Variants in TGFBRAP1 observed in about 807,000 individuals in gnomAD.
The protein encoded by TGFBRAP1 is transforming growth factor-beta receptor-associated protein 1.
A neutral mutation model predicts 83.2 loss-of-function variants in TGFBRAP1; 20 were observed. The ratio of observed to expected loss-of-function variants is 0.24; its 90% confidence interval spans 0.17 to 0.35. The LOEUF (loss-of-function observed/expected upper bound fraction) is 0.35, where lower values mean the gene tolerates loss of function less well. TGFBRAP1 is among the 10% of genes least tolerant of loss of function. The pLI is 1.00. For missense variants in TGFBRAP1, 950 were observed against 1,099.4 expected (o/e 0.86, Z 1.92); for synonymous variants, 415 against 459.8 (o/e 0.90, Z 1.25).
chr2:105,269,135 A>G lies in TGFBRAP1; in HGVS notation c.2406+137T>C, dbSNP rs1677053217. The stretch of plus-strand genomic sequence containing the variant: ...CACACAGACCTCAGTTTCTATGAGT[A>G]GGATCAGATATTGATGTGTTGTAGT... On this transcript the variant is annotated intron_variant, in intron 11 of 11. Coordinates refer to ENST00000393359, the MANE Select transcript of TGFBRAP1 (RefSeq NM_004257.6). The surrounding 1 kb of genome is among the most constrained non-coding windows in gnomAD (Gnocchi z 4.1). The G allele has an allele frequency of 8.8e-7, 1 of 1,137,294 alleles. No individual in the cohort carries two copies. Among genetic ancestry groups the G allele is most frequent in the Non-Finnish European group, 1.2e-6 (1 of 830,168 alleles). The allele number at this position is 1,137,294 out of a possible 1,614,324, so 70.5% of individuals were successfully genotyped here. A position where few individuals can be genotyped will look rare whatever the true frequency, so the allele number is the denominator to read the frequency against.
Position 105,267,228 on chromosome 2 carries a change from C to T in TGFBRAP1, c.*155G>A, listed in dbSNP as rs1285391704. Reference sequence around the variant, plus strand: ...TACATTCATAGAGCCTGGTCAGCAGCGAGGAGTCCTTGTTGCGTATGGACG... The same window carrying T: ...TACATTCATAGAGCCTGGTCAGCAGTGAGGAGTCCTTGTTGCGTATGGACG... On this transcript the variant is annotated 3_prime_UTR_variant, in exon 12 of 12. Transcript: ENST00000393359. 5 of 819,070 alleles carry T rather than the reference C, an allele frequency of 6.1e-6. No individual in the cohort carries two copies. Among genetic ancestry groups the T allele is most frequent in the African/African-American group, 3.5e-5 (2 of 57,154 alleles). 50.7% of individuals were successfully genotyped at this position (819,070 alleles called of 1,614,324 possible).
In TGFBRAP1 at chr2:105,280,984, A is replaced by G. The variant is rs150120452; in HGVS notation, c.1122-261T>C. The stretch of plus-strand genomic sequence containing the variant: ...CATACAGAACTGGTGTGAGAGTGGA[A>G]CACCAAAATGCCTATGATGAAGAGA... On this transcript the variant is annotated intron_variant, in intron 5 of 11. Coordinates refer to ENST00000393359, the MANE Select transcript of TGFBRAP1 (RefSeq NM_004257.6). Among the ~76,000 whole-genome samples the G allele has an allele frequency of 1.5e-3, 230 of 152,278 alleles. 1 individual carries two copies. Among genetic ancestry groups the G allele is most frequent in the Non-Finnish European group, 6.6e-4 (45 of 68,020 alleles).
At chr2:105,279,599 A>T (rs1181137872) in intron 6 of TGFBRAP1, among the ~76,000 whole-genome samples, 1 of 152,160 alleles carries the variant, frequency 6.6e-6, no homozygotes, top group African/African-American at 2.4e-5. Context: ...TGTATCAACA[A>T]AATCAAGAAG....
chr2:105,267,926 C>T (rs577559524), intron 11 of TGFBRAP1: 1 of 969,538 alleles, frequency 1.0e-6, no homozygotes, highest in African/African-American at 1.8e-5. Flanking sequence ...TAGTGTAACT[C>T]CAGGGTTCTC....
chr2:105,310,266 T>A (rs1678648452), intron 1 of TGFBRAP1, among the ~76,000 whole-genome samples: 1 of 152,110 alleles, frequency 6.6e-6, no homozygotes, highest in Non-Finnish European at 1.5e-5. Context: ...ATACTATGAT[T>A]CCCTCCCAGT....
intron 10 of TGFBRAP1, among the ~76,000 whole-genome samples, chr2:105,271,522 C>A (rs971208148): frequency 6.6e-6 from 1 of 152,182 alleles, no homozygotes; most frequent in Non-Finnish European, 1.5e-5. Context: ...TTGCTGGTTT[C>A]ATGAAATACC....
intron 4 of TGFBRAP1, among the ~76,000 whole-genome samples, chr2:105,288,539 G>A (rs1452721236): frequency 2.0e-5 from 3 of 152,168 alleles, no homozygotes; most frequent in Non-Finnish European, 4.4e-5. Flanking sequence ...AGACCACTGA[G>A]ATTTATGTTA....
intron 9 of TGFBRAP1, 61 bp downstream of exon 9, chr2:105,273,483 G>A: frequency 1.3e-6 from 2 of 1,593,758 alleles, no homozygotes; most frequent in East Asian, 2.2e-5. Context: ...GCCAAAAAGT[G>A]TTCTAGTTCA....
At chr2:105,268,731 T>A (rs1423008527) in intron 11 of TGFBRAP1, among the ~76,000 whole-genome samples, 2 of 152,160 alleles carry the variant, frequency 1.3e-5, no homozygotes, top group Non-Finnish European at 2.9e-5. Flanking sequence ...CTGCCAGCCA[T>A]GTGGAATTTA....
intron 7 of TGFBRAP1, among the ~76,000 whole-genome samples, chr2:105,276,783 T>TATG (rs1677365399): frequency 6.6e-6 from 1 of 152,214 alleles, no homozygotes. Context: ...CATTTTTTGT[T>TATG]GTTGTTGTTG....
At chr2:105,270,586 C>A (rs552594592) in intron 10 of TGFBRAP1, among the ~76,000 whole-genome samples, 2 of 152,330 alleles carry the variant, frequency 1.3e-5, no homozygotes, top group South Asian at 4.1e-4. Context: ...AGTTTAGGGT[C>A]AAGACTAATA....
At chr2:105,263,590 T>C (rs1277136753), downstream of TGFBRAP1, among the ~76,000 whole-genome samples, 3 of 148,340 alleles carry the variant, frequency 2.0e-5, no homozygotes, top group African/African-American at 4.8e-5. Context: ...GTCAGAATAC[T>C]CGGGGGGCCA....
downstream of TGFBRAP1, among the ~76,000 whole-genome samples, chr2:105,262,702 C>T (rs138785274): frequency 1.4e-3 from 207 of 152,272 alleles, no homozygotes; most frequent in Non-Finnish European, 2.5e-3. Context: ...TGTTGAGTTG[C>T]GTGCGTTGCT....
chr2:105,251,518 G>C, the TGFBRAP1 span, among the ~76,000 whole-genome samples: 2 of 146,654 alleles, frequency 1.4e-5, no homozygotes, highest in East Asian at 2.0e-4. Flanking sequence ...GGAGGGAGGT[G>C]GGGGGGGATC....
At chr2:105,303,875 G>C (rs891822327) in intron 2 of TGFBRAP1, among the ~76,000 whole-genome samples, 4 of 152,014 alleles carry the variant, frequency 2.6e-5, no homozygotes, top group East Asian at 3.9e-4. Context: ...TCCAGATTGT[G>C]GGACACCATA....
At chr2:105,293,257 TTG>T (rs997272233) in intron 4 of TGFBRAP1, among the ~76,000 whole-genome samples, 1 of 152,376 alleles carries the variant, frequency 6.6e-6, no homozygotes, top group East Asian at 1.9e-4. Flanking sequence ...AGGTAATATT[TTG>T]TGTGTGTGAC....
In TGFBRAP1 at chr2:105,272,873, G is replaced by C; in HGVS notation, c.1954C>G (p.Arg652Gly). 6.2e-7 allele frequency: 1 copy of C among 1,608,186 alleles called. No individual in the cohort carries two copies. ...RRLLQKSDLYRVHFLLERLQG... is the reference protein window; with the variant it reads ...RRLLQKSDLYGVHFLLERLQG... ...TCCTCACCGAGAAGAAAGTGGACTC[G>C]GTATAAATCAGATTTCTGGAGCAGC... Residue 652 changes from arginine (R) to glycine (G), a missense_variant, in exon 10 of 12, where the codon CGA (arginine) becomes GGA (glycine). Coordinates refer to ENST00000393359, the MANE Select transcript of TGFBRAP1 (RefSeq NM_004257.6).
At chr2:105,293,397 G>A (rs1677979514) in intron 4 of TGFBRAP1, among the ~76,000 whole-genome samples, 1 of 152,154 alleles carries the variant, frequency 6.6e-6, no homozygotes, top group Non-Finnish European at 1.5e-5. Flanking sequence ...ATCTCCTGAA[G>A]AAACGATCCT....
At chr2:105,288,487 A>G (rs1677791633) in intron 4 of TGFBRAP1, among the ~76,000 whole-genome samples, 1 of 152,194 alleles carries the variant, frequency 6.6e-6, no homozygotes, top group African/African-American at 2.4e-5. Flanking sequence ...GTTGCCAGCC[A>G]GCTACCAAAG....
Sources: allele counts gnomAD v4.1 joint callset (sites outside exome capture counted in the v4.1 genomes callset), GRCh38; gene constraint gnomAD v4.1.1; non-coding constraint Gnocchi (gnomAD v3.1); transcripts MANE v1.5; gene names NCBI Gene and HGNC (gene_info 2026-07-23, HGNC 2026-07-21).